The following NTM variants were observed in gnomAD, a reference collection of about 807,000 sequenced individuals.
The protein encoded by NTM is neurotrimin, also known as IgLON family member 2.
Under a neutral mutation model 42.1 loss-of-function variants are expected in NTM, and 13 were observed. That is an observed-to-expected ratio of 0.31 (90% CI 0.20 to 0.49). NTM has a LOEUF of 0.49. Among genes scored for constraint, NTM ranks in the 20% least tolerant of loss-of-function variants. The probability of loss-of-function intolerance (pLI) is 0.99; values close to 1 mark genes in which losing one functional copy is unlikely to be tolerated. For missense variants in NTM, 373 were observed against 452.8 expected (o/e 0.82, Z 1.60); for synonymous variants, 187 against 179.2 (o/e 1.04, Z -0.35).
chr11:132,007,087 G>GA (rs1397979732), intron 2 of NTM, among the ~76,000 whole-genome samples: 17 of 152,280 alleles, frequency 1.1e-4, no homozygotes, highest in African/African-American at 4.1e-4. Flanking sequence ...GTGAATGGAT[G>GA]AAAAAAGCTC....
At chr11:132,282,403 T>G (rs79388641) in intron 4 of NTM, among the ~76,000 whole-genome samples, 7 of 152,210 alleles carry the variant, frequency 4.6e-5, no homozygotes, top group Non-Finnish European at 8.8e-5. Flanking sequence ...TGTTCTGGTT[T>G]CCAAGTTTAC....
chr11:131,549,909 G>A (rs560283278), intron 1 of NTM, among the ~76,000 whole-genome samples: 6 of 152,250 alleles, frequency 3.9e-5, no homozygotes, highest in African/African-American at 1.4e-4. Context: ...TCTCTTTCCC[G>A]TGCCCACGTG....
At chr11:131,673,471 G>T (rs1016106294) in intron 1 of NTM, among the ~76,000 whole-genome samples, 4 of 152,222 alleles carry the variant, frequency 2.6e-5, no homozygotes, top group Non-Finnish European at 5.9e-5. Context: ...TTGTCTGTGT[G>T]TATGTGTTTC....
chr11:132,230,324 C>T (rs2087247841), intron 4 of NTM, among the ~76,000 whole-genome samples: 1 of 152,196 alleles, frequency 6.6e-6, no homozygotes, highest in Admixed American at 6.5e-5. Flanking sequence ...TAGAGCAGCA[C>T]TGTGAAGTAG....
intron 2 of NTM, among the ~76,000 whole-genome samples, chr11:132,026,976 T>C (rs1000969855): frequency 5.9e-5 from 9 of 152,362 alleles, no homozygotes; most frequent in African/African-American, 2.2e-4. Flanking sequence ...CTGTATTTTG[T>C]AGACCTTGTC....
chr11:131,625,795 T>C (rs141325041), intron 1 of NTM, among the ~76,000 whole-genome samples: 98 of 152,266 alleles, frequency 6.4e-4, no homozygotes, highest in African/African-American at 2.2e-3. Flanking sequence ...GCTTTACAAC[T>C]CACATGAGTG....
chr11:132,034,844 G>C lies in NTM; in HGVS notation c.168-111438G>C, dbSNP rs187777087. On this transcript the variant is annotated intron_variant, in intron 2 of 8. Transcript: ENST00000683400. The stretch of plus-strand genomic sequence containing the variant: ...CAGTTCTCCAGATCTTGACCTAGTT[G>C]CTAAATCCCTGTGCTGATCAAAAAT... Among the ~76,000 whole-genome samples, 6 of 152,264 alleles carry C rather than the reference G, an allele frequency of 3.9e-5. No individual in the cohort carries two copies. In the East Asian group the frequency reaches 1.2e-3, roughly 29 times the overall value.
At chr11:131,927,907 T>C (rs2058137929) in intron 2 of NTM, among the ~76,000 whole-genome samples, 1 of 152,106 alleles carries the variant, frequency 6.6e-6, no homozygotes, top group Non-Finnish European at 1.5e-5. Context: ...ACTCAACTTA[T>C]AAGTCTGCAT....
At chr11:131,773,486 G>T (rs1166987481) in intron 1 of NTM, among the ~76,000 whole-genome samples, 1 of 152,212 alleles carries the variant, frequency 6.6e-6, no homozygotes, top group Non-Finnish European at 1.5e-5. Context: ...GGGTAAAGAA[G>T]TGAAGTGAGC....
chr11:132,192,997 A>T (rs191804842), intron 3 of NTM, among the ~76,000 whole-genome samples: 63 of 151,920 alleles, frequency 4.1e-4, no homozygotes, highest in Admixed American at 2.1e-3. Context: ...ATCCAGATTC[A>T]TAAAACAACT....
intron 1 of NTM, among the ~76,000 whole-genome samples, chr11:131,895,357 C>A (rs1209300256): frequency 6.6e-6 from 1 of 151,102 alleles, no homozygotes; most frequent in Non-Finnish European, 1.5e-5. Context: ...ATACCACAAC[C>A]TGTTAGGACT....
At chr11:131,811,373 C>T (rs555556108) in intron 1 of NTM, among the ~76,000 whole-genome samples, 1 of 152,310 alleles carries the variant, frequency 6.6e-6, no homozygotes, top group Admixed American at 6.5e-5. Context: ...GGCTTGAACC[C>T]AAGTGTACAA....
At chr11:131,485,375 G>A (rs768244776) in intron 1 of NTM, among the ~76,000 whole-genome samples, 15 of 152,236 alleles carry the variant, frequency 9.9e-5, no homozygotes, top group Non-Finnish European at 2.1e-4. Flanking sequence ...TTCTGTGCCA[G>A]CTACCACAGC....
chr11:131,417,044 G>C, intron 1 of NTM, among the ~76,000 whole-genome samples: 1 of 152,116 alleles, frequency 6.6e-6, no homozygotes, highest in East Asian at 1.9e-4. Flanking sequence ...TGTAGAATTA[G>C]ACAACCTCTA....
chr11:132,074,342 C>A (rs1169416222), intron 2 of NTM, among the ~76,000 whole-genome samples: 4 of 152,136 alleles, frequency 2.6e-5, no homozygotes, highest in Non-Finnish European at 5.9e-5. Flanking sequence ...GGTGGGGAAA[C>A]CTGCCTCAGA....
At position 132,260,848 on chromosome 11, in the gene NTM, T is replaced by A. The variant is rs139134953; in HGVS notation, c.527-46841T>A. Among the ~76,000 whole-genome samples the A allele has an allele frequency of 4.9e-4, 74 of 152,288 alleles. 2 individuals carry two copies. In the East Asian group the frequency reaches 0.014, roughly 29 times the overall value. ...TCAAATGTGCCCTGAACCCATTAAG[T>A]CATGAGCCTCAGGCTGGTTTAGAGA... On this transcript the variant is annotated intron_variant, in intron 4 of 8. Transcript: ENST00000683400.
At chr11:131,639,497 C>T (rs183402079) in intron 1 of NTM, among the ~76,000 whole-genome samples, 4 of 152,314 alleles carry the variant, frequency 2.6e-5, no homozygotes, top group Admixed American at 2.0e-4. Context: ...CATCCTACCT[C>T]GTAGGTCAGA....
intron 1 of NTM, among the ~76,000 whole-genome samples, chr11:131,478,332 G>A (rs1327325680): frequency 6.6e-6 from 1 of 152,098 alleles, no homozygotes; most frequent in African/African-American, 2.4e-5. Context: ...ACCCCCTACA[G>A]GGCACACATC....
At chr11:131,410,517 C>CAAAAAA (rs1161389222) in intron 1 of NTM, among the ~76,000 whole-genome samples, 3 of 32,754 alleles carry the variant, frequency 9.2e-5, no homozygotes, top group Non-Finnish European at 1.0e-4. Context: ...AAACAATAAC[C>CAAAAAA]AAAAAAAAAA....
Sources: allele counts gnomAD v4.1 joint callset (sites outside exome capture counted in the v4.1 genomes callset), GRCh38; gene constraint gnomAD v4.1.1; transcripts MANE v1.5; gene names NCBI Gene and HGNC (gene_info 2026-07-23, HGNC 2026-07-21).